ICA1L: variants seen among roughly 807,000 people sequenced by gnomAD.
ICA1L encodes the protein islet cell autoantigen 1 like.
ICA1L carries 50 observed loss-of-function variants against 61.3 expected under a neutral mutation model. The ratio of observed to expected loss-of-function variants is 0.82; its 90% confidence interval spans 0.65 to 1.03. ICA1L has a LOEUF of 1.03. ICA1L is among the 50% of genes least tolerant of loss of function. The pLI is 0.00. For synonymous variants in ICA1L, 161 were observed against 191.3 expected (o/e 0.84, Z 1.31); for missense variants, 508 against 556.7 (o/e 0.91, Z 0.88).
At chr2:202,804,685 G>A (rs564472643) in intron 9 of ICA1L, among the ~76,000 whole-genome samples, 7 of 152,166 alleles carry the variant, frequency 4.6e-5, no homozygotes, top group Admixed American at 3.3e-4. Context: ...AGATATAACC[G>A]GCTCCTGCAT....
rs555733667 is a variant in ICA1L at position 202,828,354 on chromosome 2, A to G, written c.162+494T>C. On this transcript the variant is annotated intron_variant, in intron 2 of 12. Coordinates refer to ENST00000358299, the MANE Select transcript of ICA1L (RefSeq NM_001288622.3). ...ACTTTAAACCATTTATTGGTTTAAA[A>G]TTGTTTCATGGCAATTATTTAAAAT... Among the ~76,000 whole-genome samples, 4 of 152,042 alleles carry G rather than the reference A, an allele frequency of 2.6e-5. No individual in the cohort carries two copies. The East Asian group carries it at 7.7e-4, about 29-fold the overall frequency.
Position 202,785,753 on chromosome 2 carries a change from C to T in ICA1L, c.1333+165G>A, listed in dbSNP as rs556110995. ...AAGCTCAATTTCTATTCAATGCTTT[C>T]CATATTGAGGGATAAGCAGTATAGC... On this transcript the variant is annotated intron_variant, in intron 12 of 12. Transcript: ENST00000358299. Among the ~76,000 whole-genome samples, 6 of 152,176 alleles carry T rather than the reference C, an allele frequency of 3.9e-5. No homozygotes were observed. The South Asian group carries it at 1.2e-3, about 32-fold the overall frequency.
rs571630112 is a variant in ICA1L at position 202,850,963 on chromosome 2, GAA to G, written c.-8+20654_-8+20655del. Reference sequence around the variant, plus strand: ...CTCTCTACAGAACCCCTACAAGCCAGAAGAGAGTGGGGGCCAATATTCAACAT... The same window carrying G: ...CTCTCTACAGAACCCCTACAAGCCAGGAGAGTGGGGGCCAATATTCAACAT... On this transcript the variant is annotated intron_variant, in intron 1 of 12. Coordinates refer to ENST00000358299, the MANE Select transcript of ICA1L (RefSeq NM_001288622.3). 1.3e-3 allele frequency among the ~76,000 whole-genome samples: 201 copies of G among 152,112 alleles called. 1 individual carries two copies. The highest frequency in any genetic ancestry group is 2.0e-3 in the Non-Finnish European group (135 of 67,978).
At chr2:202,810,650 T>C (rs922711577) in intron 9 of ICA1L, among the ~76,000 whole-genome samples, 3 of 151,978 alleles carry the variant, frequency 2.0e-5, no homozygotes, top group South Asian at 2.1e-4. Context: ...ACAAGAGAGA[T>C]AACCTTAAAC....
rs1559121236 is a variant in ICA1L, at chr2:202,774,257, A to T, written c.*5276T>A. On this transcript the variant is annotated 3_prime_UTR_variant, in exon 13 of 13. Transcript: ENST00000358299. ...CTGAGTCTTCTCGCTCCTGTCGGCC[A>T]AAGGCCGTGACCCCGACGCGTGCAG... is the stretch of plus-strand genomic sequence containing the variant. 1.7e-5 allele frequency: 26 copies of T among 1,545,592 alleles called. No individual in the cohort carries two copies. Among genetic ancestry groups the T allele is most frequent in the South Asian group, 2.4e-5 (2 of 83,774 alleles).
rs938271195 is a variant in ICA1L at position 202,788,870 on chromosome 2, T to G, written c.1203A>C (p.Gln401His). The change falls in exon 11 of 13, where the codon CAA becomes CAC. Residue 401 changes from glutamine to histidine, a missense_variant. Physicochemically the swap from Gln to His is conservative, Grantham distance 24. Transcript: ENST00000358299. Reference sequence around the variant, plus strand: ...CCACATGAAAGCCAAGGTCAAAGAGTTGTGAAGGAAGGAATCGAGAAGAAT... The same window carrying G: ...CCACATGAAAGCCAAGGTCAAAGAGGTGTGAAGGAAGGAATCGAGAAGAAT... ...LAHSSRFLPS[Q>H]LFDLGFHVAG... The G allele has an allele frequency of 1.1e-5, 17 of 1,613,412 alleles. No homozygotes were observed. Among genetic ancestry groups the G allele is most frequent in the Non-Finnish European group, 1.3e-5 (15 of 1,179,928 alleles).
At chr2:202,827,584 T>C (rs974197865) in intron 2 of ICA1L, among the ~76,000 whole-genome samples, 4 of 152,172 alleles carry the variant, frequency 2.6e-5, no homozygotes, top group Non-Finnish European at 5.9e-5. Flanking sequence ...TGGCCAGATT[T>C]ACACTGAATA....
chr2:202,852,104 T>G (rs1057340406), intron 1 of ICA1L, among the ~76,000 whole-genome samples: 3 of 152,172 alleles, frequency 2.0e-5, no homozygotes, highest in Non-Finnish European at 2.9e-5. Context: ...TGAATGGTAT[T>G]GCCTAGGTTT....
At chr2:202,861,049 G>A (rs1245148324) in intron 1 of ICA1L, among the ~76,000 whole-genome samples, 1 of 151,926 alleles carries the variant, frequency 6.6e-6, no homozygotes, top group South Asian at 2.1e-4. Context: ...GACCAACGTG[G>A]TGAAACTCCG....
chr2:202,854,112 C>G (rs577807987), intron 1 of ICA1L, among the ~76,000 whole-genome samples: 1 of 151,790 alleles, frequency 6.6e-6, no homozygotes, highest in African/African-American at 2.4e-5. Context: ...TGGATAGAGT[C>G]AAGACCCATC....
At chr2:202,834,697 C>T (rs2105865283) in intron 1 of ICA1L, among the ~76,000 whole-genome samples, 1 of 152,262 alleles carries the variant, frequency 6.6e-6, no homozygotes, top group South Asian at 2.1e-4. Flanking sequence ...TATCAAGGTG[C>T]TGCCATTTTA....
chr2:202,833,148 C>A (rs1694058031), intron 1 of ICA1L, among the ~76,000 whole-genome samples: 1 of 151,750 alleles, frequency 6.6e-6, no homozygotes. Context: ...ATATTACACA[C>A]AAGGTAACAA....
intron 3 of ICA1L, among the ~76,000 whole-genome samples, chr2:202,823,945 A>C (rs1242203069): frequency 6.6e-6 from 1 of 152,218 alleles, no homozygotes; most frequent in Non-Finnish European, 1.5e-5. Context: ...TATTGGATTT[A>C]TTTCTTTAAT....
intron 1 of ICA1L, among the ~76,000 whole-genome samples, chr2:202,862,308 C>T (rs1258578490): frequency 1.0e-5 from 1 of 99,258 alleles, no homozygotes; most frequent in African/African-American, 3.9e-5. Flanking sequence ...AAAAAAAAGG[C>T]CAGAAGTGCT....
intron 1 of ICA1L, among the ~76,000 whole-genome samples, chr2:202,867,238 T>A (rs896150096): frequency 6.6e-6 from 1 of 152,160 alleles, no homozygotes; most frequent in Non-Finnish European, 1.5e-5. Context: ...TTGAGCAAAC[T>A]AACAAAAGAT....
chr2:202,824,807 G>A (rs532234810), intron 3 of ICA1L, among the ~76,000 whole-genome samples: 1 of 152,344 alleles, frequency 6.6e-6, no homozygotes, highest in South Asian at 2.1e-4. Context: ...ACAAGTCCAG[G>A]AGAGAAGAGA....
At chr2:202,851,560 A>T (rs1462919620) in intron 1 of ICA1L, among the ~76,000 whole-genome samples, 2 of 152,160 alleles carry the variant, frequency 1.3e-5, no homozygotes, top group African/African-American at 4.8e-5. Context: ...TGCTATTTCT[A>T]GTTCTAGATC....
rs1024243887 is a variant in ICA1L, at chr2:202,849,787, T to C, written c.-7-20771A>G. On this transcript the variant is annotated intron_variant, in intron 1 of 12. Coordinates refer to ENST00000358299, the MANE Select transcript of ICA1L (RefSeq NM_001288622.3). The surrounding 1 kb of genome is among the most constrained non-coding windows in gnomAD (Gnocchi z 4.5). ...AAGGAGGATTCTCCCAGCACAGCAA[T>C]TGAGCTCTGCTAGGGGACAGACAGC... Among the ~76,000 whole-genome samples, 19 of 152,172 alleles carry C rather than the reference T, an allele frequency of 1.2e-4. No homozygotes were observed. Among genetic ancestry groups the C allele is most frequent in the East Asian group, 1.2e-3 (6 of 5,186 alleles).
chr2:202,820,460 G>A (rs1484393141), intron 4 of ICA1L, among the ~76,000 whole-genome samples: 1 of 152,000 alleles, frequency 6.6e-6, no homozygotes, highest in African/African-American at 2.4e-5. Flanking sequence ...GTTATTCCAT[G>A]TATAAATAAC....
Sources: allele counts gnomAD v4.1 joint callset (sites outside exome capture counted in the v4.1 genomes callset), GRCh38; gene constraint gnomAD v4.1.1; non-coding constraint Gnocchi (gnomAD v3.1); transcripts MANE v1.5; gene names NCBI Gene and HGNC (gene_info 2026-07-23, HGNC 2026-07-21).